The following STK4 variants were observed in gnomAD, a reference collection of about 807,000 sequenced individuals.
STK4 encodes serine/threonine kinase 4.
In STK4, 30 loss-of-function variants were observed where a neutral mutation model predicts 64.9. The observed-to-expected ratio is 0.46, with a 90% CI of 0.35 to 0.63. The LOEUF (loss-of-function observed/expected upper bound fraction) is 0.63. Ranked by LOEUF, STK4 falls within the 20% of genes least tolerant of loss-of-function variation. The pLI is 0.01. For missense variants in STK4, 466 were observed against 598.5 expected (o/e 0.78, Z 2.31); for synonymous variants, 177 against 199.0 (o/e 0.89, Z 0.93).
chr20:45,022,333 T>C (rs1442286655), intron 9 of STK4, among the ~76,000 whole-genome samples: 1 of 152,248 alleles, frequency 6.6e-6, no homozygotes, highest in African/African-American at 2.4e-5. Context: ...ATCAGGTCCC[T>C]GGTATTGATA....
chr20:45,024,637 T>C (rs1229927714), intron 9 of STK4, among the ~76,000 whole-genome samples: 1 of 152,222 alleles, frequency 6.6e-6, no homozygotes, highest in Admixed American at 6.5e-5. Flanking sequence ...CTAAATATTA[T>C]AGGAGCTGTT....
chr20:45,033,840 A>G (rs1037009856), intron 10 of STK4, among the ~76,000 whole-genome samples: 1 of 152,282 alleles, frequency 6.6e-6, no homozygotes, highest in African/African-American at 2.4e-5. Flanking sequence ...TCGGCCTTTC[A>G]AAGTGCTGGG....
intron 10 of STK4, among the ~76,000 whole-genome samples, chr20:45,028,715 A>T (rs2068395603): frequency 6.6e-6 from 1 of 152,194 alleles, no homozygotes; most frequent in Non-Finnish European, 1.5e-5. Context: ...CTTTTGAGAA[A>T]TGTCTATTCA....
chr20:45,047,626 G>T (rs757179452), intron 10 of STK4, among the ~76,000 whole-genome samples: 2 of 152,148 alleles, frequency 1.3e-5, no homozygotes, highest in African/African-American at 4.8e-5. Flanking sequence ...TCATAGATGT[G>T]GAATTTAGAT....
At chr20:45,046,088 T>A (rs189977171) in intron 10 of STK4, among the ~76,000 whole-genome samples, 117 of 152,196 alleles carry the variant, frequency 7.7e-4, no homozygotes, top group African/African-American at 2.7e-3. Context: ...ATTATAGGCC[T>A]GAGCCACCGC....
At chr20:45,040,687 G>T (rs939046644) in intron 10 of STK4, among the ~76,000 whole-genome samples, 1 of 150,986 alleles carries the variant, frequency 6.6e-6, no homozygotes. Flanking sequence ...GGTAATTAGA[G>T]ACCACAGTCT....
At chr20:44,969,070 C>G (rs2067202376) in intron 1 of STK4, among the ~76,000 whole-genome samples, 1 of 152,104 alleles carries the variant, frequency 6.6e-6, no homozygotes, top group South Asian at 2.1e-4. Context: ...CTAATCTCCT[C>G]TTATAAGGAC....
intron 10 of STK4, among the ~76,000 whole-genome samples, chr20:45,039,023 T>C (rs2068571122): frequency 6.6e-6 from 1 of 152,056 alleles, no homozygotes; most frequent in African/African-American, 2.4e-5. Flanking sequence ...AGAGGTGTAG[T>C]TGAAAAAGAC....
At chr20:44,988,533 G>GTA (rs71197589) in intron 5 of STK4, among the ~76,000 whole-genome samples, 9,559 of 101,258 alleles carry the variant, frequency 0.094, 553 homozygotes, top group East Asian at 0.16. Flanking sequence ...ATGTGTGTGT[G>GTA]TATATATATA....
chr20:45,018,573 T>TA (rs1380056953), intron 9 of STK4, among the ~76,000 whole-genome samples: 3 of 151,958 alleles, frequency 2.0e-5, no homozygotes, highest in Admixed American at 1.3e-4. Context: ...TCTTGCTGCT[T>TA]AAAAAAAATT....
intron 10 of STK4, among the ~76,000 whole-genome samples, chr20:45,051,287 G>A (rs1269725016): frequency 1.3e-5 from 2 of 152,154 alleles, no homozygotes; most frequent in Admixed American, 1.3e-4. Flanking sequence ...GAAAAGTAAG[G>A]TGGTCCTTCT....
intron 10 of STK4, among the ~76,000 whole-genome samples, chr20:45,048,564 G>T (rs2068730258): frequency 6.6e-6 from 1 of 151,788 alleles, no homozygotes; most frequent in South Asian, 2.1e-4. Flanking sequence ...GGAGTGCAGT[G>T]GCGTGGTCTT....
At chr20:45,020,782 C>T (rs142449765) in intron 9 of STK4, among the ~76,000 whole-genome samples, 1 of 151,464 alleles carries the variant, frequency 6.6e-6, no homozygotes, top group East Asian at 1.9e-4. Context: ...CAGGCTCAAT[C>T]AGGTTTATTT....
At chr20:45,011,705 A>G (rs1203744625) in intron 9 of STK4, among the ~76,000 whole-genome samples, 1 of 94,824 alleles carries the variant, frequency 1.1e-5, no homozygotes, top group Non-Finnish European at 2.2e-5. Context: ...TGTGTAGAAC[A>G]TACATATATA....
intron 10 of STK4, among the ~76,000 whole-genome samples, chr20:45,052,277 ACC>A (rs34663522): frequency 9.3e-5 from 14 of 151,110 alleles, no homozygotes; most frequent in East Asian, 7.8e-4. Flanking sequence ...CAACTCTTCC[ACC>A]CCCCCCAGCA....
At chr20:45,018,005 G>T (rs751789457) in intron 9 of STK4, among the ~76,000 whole-genome samples, 2 of 152,110 alleles carry the variant, frequency 1.3e-5, no homozygotes, top group African/African-American at 4.8e-5. Flanking sequence ...ATTTATGGCT[G>T]TACACAGCTA....
intron 1 of STK4, among the ~76,000 whole-genome samples, chr20:44,970,923 A>G (rs1473786101): frequency 7.0e-6 from 1 of 142,046 alleles, no homozygotes; most frequent in Non-Finnish European, 1.5e-5. Flanking sequence ...ATGTGTGTGT[A>G]TTTAAGTCTT....
At chr20:45,043,390 G>C (rs1027597356) in intron 10 of STK4, among the ~76,000 whole-genome samples, 3 of 152,192 alleles carry the variant, frequency 2.0e-5, no homozygotes, top group Non-Finnish European at 2.9e-5. Context: ...AGAAGCAGTA[G>C]ATTTGGTAGT....
chr20:44,981,109 C>G (rs2067430671), intron 3 of STK4, among the ~76,000 whole-genome samples: 1 of 152,186 alleles, frequency 6.6e-6, no homozygotes, highest in South Asian at 2.1e-4. Flanking sequence ...ATCACATAGT[C>G]TATAACATTT....
Sources: allele counts gnomAD v4.1 joint callset (sites outside exome capture counted in the v4.1 genomes callset), GRCh38; gene constraint gnomAD v4.1.1; transcripts MANE v1.5; gene names NCBI Gene and HGNC (gene_info 2026-07-23, HGNC 2026-07-21).